The following TBC1D9 variants were observed in gnomAD, a reference collection of about 807,000 sequenced individuals.
TBC1D9 encodes the protein TBC1 domain family member 9, also known as TBC1 domain family member 9A.
In TBC1D9, 63 loss-of-function variants were observed where a neutral mutation model predicts 132.0. The observed-to-expected ratio is 0.48, with a 90% CI of 0.39 to 0.59. The LOEUF (loss-of-function observed/expected upper bound fraction) is 0.59, where lower values mean the gene tolerates loss of function less well. Among genes scored for constraint, TBC1D9 ranks in the 20% least tolerant of loss-of-function variants. TBC1D9 has a pLI of 0.00. For missense variants in TBC1D9, 1,261 were observed against 1,592.7 expected (o/e 0.79, Z 3.54); for synonymous variants, 610 against 609.9 (o/e 1.00, Z 0.00).
At chr4:140,683,127 C>T (rs2111021752) in intron 3 of TBC1D9, among the ~76,000 whole-genome samples, 1 of 152,248 alleles carries the variant, frequency 6.6e-6, no homozygotes, top group Middle Eastern at 3.4e-3. Context: ...ATCTGCCTGC[C>T]TCAGCCTCCC....
chr4:140,671,314 C>A (rs982149452), intron 6 of TBC1D9, among the ~76,000 whole-genome samples: 4 of 152,102 alleles, frequency 2.6e-5, no homozygotes, highest in Non-Finnish European at 4.4e-5. Flanking sequence ...ACAGCCCCTG[C>A]CATCCCACTC....
chr4:140,695,029 T>C (rs1737932431), intron 2 of TBC1D9, among the ~76,000 whole-genome samples: 1 of 152,216 alleles, frequency 6.6e-6, no homozygotes, highest in African/African-American at 2.4e-5. Flanking sequence ...GTCTGCCTCA[T>C]GCAGAAGGCA....
At chr4:140,639,511 C>T in intron 13 of TBC1D9, 83 bp from the exon 14 acceptor site, 1 of 928,206 alleles carries the variant, frequency 1.1e-6, no homozygotes. Flanking sequence ...GCAACACACT[C>T]TTGACACATC....
At chr4:140,675,088 C>G (rs1464947666) in intron 6 of TBC1D9, among the ~76,000 whole-genome samples, 4 of 151,876 alleles carry the variant, frequency 2.6e-5, no homozygotes, top group African/African-American at 7.3e-5. Context: ...ATAAAAATTC[C>G]CTATAAAGTG....
intron 15 of TBC1D9, among the ~76,000 whole-genome samples, chr4:140,636,340 G>T (rs922681922): frequency 6.6e-6 from 1 of 152,174 alleles, no homozygotes; most frequent in African/African-American, 2.4e-5. Flanking sequence ...TCCTTGGGAG[G>T]AGGACTACAT....
chr4:140,691,769 C>A (rs944530029), intron 2 of TBC1D9, among the ~76,000 whole-genome samples: 2 of 152,180 alleles, frequency 1.3e-5, no homozygotes, highest in Non-Finnish European at 2.9e-5. Flanking sequence ...AGGGTAATGG[C>A]CAGAGGCCCT....
Position 140,662,178 on chromosome 4 carries a change from A to G in TBC1D9, c.1589-71T>C, listed in dbSNP as rs886433268. The G allele has an allele frequency of 3.4e-5, 40 of 1,183,604 alleles. No homozygotes were observed. The Middle Eastern group carries it at 5.9e-4, about 18-fold the overall frequency. The allele number at this position is 1,183,604 out of a possible 1,614,324, so 73.3% of individuals were successfully genotyped here. ...GCCTTTTGGTTTGCAACTACAGCTT[A>G]TGATTGAACTGCTTTACTTTCCTAC... On this transcript the variant is annotated intron_variant, in intron 9 of 20. Transcript: ENST00000442267.
intron 1 of TBC1D9, among the ~76,000 whole-genome samples, chr4:140,722,453 C>G (rs755260236): frequency 2.0e-5 from 3 of 152,182 alleles, no homozygotes; most frequent in Admixed American, 6.5e-5. Flanking sequence ...ATACTCCAAA[C>G]AGCAAATTCA....
intron 3 of TBC1D9, among the ~76,000 whole-genome samples, chr4:140,681,641 T>C (rs186324868): frequency 6.6e-6 from 1 of 152,214 alleles, no homozygotes; most frequent in African/African-American, 2.4e-5. Flanking sequence ...TATAATAGCT[T>C]CTCAAATGGC....
In TBC1D9 at chr4:140,755,916, C is replaced by A; in HGVS notation, c.130G>T (p.Gly44Cys). 3 of 1,559,750 alleles carry A rather than the reference C, an allele frequency of 1.9e-6. No homozygotes were observed. Among genetic ancestry groups the A allele is most frequent in the South Asian group, 2.4e-5 (2 of 85,100 alleles). Reference sequence around the variant, plus strand: ...TGCAGGGATCGGCCACGGTCCTTACCCGCCAGTCCGCCGCCGCCGCCTCCA... The same window carrying A: ...TGCAGGGATCGGCCACGGTCCTTACACGCCAGTCCGCCGCCGCCGCCTCCA... ...GDGGGGGGLAGLLVGTLDVVL... is the reference protein window; with the variant it reads ...GDGGGGGGLACLLVGTLDVVL... The change falls in exon 1 of 21, where the codon GGC becomes TGC. Residue 44 changes from glycine (G) to cysteine (C), a missense_variant and splice_region_variant. Gly to Cys is a radical substitution (Grantham distance 159). Coordinates refer to ENST00000442267, the MANE Select transcript of TBC1D9 (RefSeq NM_015130.3).
chr4:140,636,757 T>C (rs1736887917), intron 15 of TBC1D9, among the ~76,000 whole-genome samples: 1 of 152,128 alleles, frequency 6.6e-6, no homozygotes, highest in South Asian at 2.1e-4. Flanking sequence ...GATGACTTAA[T>C]AAATGTTTGA....
At chr4:140,704,993 A>G (rs1452246947) in intron 1 of TBC1D9, among the ~76,000 whole-genome samples, 2 of 152,220 alleles carry the variant, frequency 1.3e-5, no homozygotes, top group African/African-American at 4.8e-5. Flanking sequence ...AAATTACAGA[A>G]AGTATAATAT....
intron 1 of TBC1D9, 46 bp downstream of exon 1, chr4:140,755,870 C>T (rs1739004281): frequency 6.7e-7 from 1 of 1,493,962 alleles, no homozygotes; most frequent in Non-Finnish European, 8.9e-7. Flanking sequence ...GGCGGCGCCG[C>T]AGCGCTCCCG....
chr4:140,705,332 ATTTG>A (rs1738133666), intron 1 of TBC1D9, among the ~76,000 whole-genome samples: 1 of 152,060 alleles, frequency 6.6e-6, no homozygotes, highest in Non-Finnish European at 1.5e-5. Context: ...TGCCTATTAC[ATTTG>A]TTTAAGATTA....
chr4:140,712,746 AAAAT>A (rs1455118712), intron 1 of TBC1D9, among the ~76,000 whole-genome samples: 41 of 68,042 alleles, frequency 6.0e-4, no homozygotes, highest in African/African-American at 2.9e-3. Flanking sequence ...CCATCTCAAA[AAAAT>A]AGATAGATAG....
intron 1 of TBC1D9, among the ~76,000 whole-genome samples, chr4:140,707,419 C>T (rs1171880196): frequency 6.6e-6 from 1 of 152,150 alleles, no homozygotes; most frequent in African/African-American, 2.4e-5. Flanking sequence ...CTTGGATTTA[C>T]TTCTTTATAT....
intron 16 of TBC1D9, 29 bp downstream of exon 16, chr4:140,633,919 C>T: frequency 1.2e-6 from 2 of 1,610,886 alleles, no homozygotes; most frequent in Non-Finnish European, 1.7e-6. Flanking sequence ...CATCCCATCC[C>T]AACTCATGCA....
chr4:140,689,400 G>A (rs1239440465), intron 2 of TBC1D9, among the ~76,000 whole-genome samples: 3 of 134,074 alleles, frequency 2.2e-5, no homozygotes, highest in Non-Finnish European at 4.8e-5. Context: ...TTCCTTCCCC[G>A]CTTCCCTTCC....
intron 2 of TBC1D9, among the ~76,000 whole-genome samples, chr4:140,691,902 A>C (rs1737883483): frequency 6.6e-6 from 1 of 152,228 alleles, no homozygotes; most frequent in Non-Finnish European, 1.5e-5. Flanking sequence ...ACTTGAAATA[A>C]ATAGAAGATG....
Sources: gnomAD v4.1 joint callset for allele counts (sites outside exome capture counted in the v4.1 genomes callset) on GRCh38, gnomAD v4.1.1 for gene constraint, MANE v1.5 for transcripts, NCBI Gene and HGNC (gene_info 2026-07-23, HGNC 2026-07-21) for gene names.